Variants in ZNF141 observed in about 807,000 individuals in gnomAD.
ZNF141 encodes the protein zinc finger protein 141.
Under a neutral mutation model 11.3 loss-of-function variants are expected in ZNF141, and 7 were observed. The observed-to-expected ratio is 0.62, with a 90% confidence interval of 0.35 to 1.16. ZNF141 has a LOEUF of 1.16. Among genes scored for constraint, ZNF141 ranks in the 50% most tolerant of loss-of-function variants. The pLI is 0.02. For synonymous variants in ZNF141, 183 were observed against 190.7 expected, an observed-to-expected ratio of 0.96 and a Z score of 0.33; for missense variants, 535 against 554.0, an observed-to-expected ratio of 0.97 and a Z score of 0.34.
At chr4:369,498 G>A (rs1336314866) in intron 3 of ZNF141, among the ~76,000 whole-genome samples, 1 of 151,380 alleles carries the variant, frequency 6.6e-6, no homozygotes, top group Non-Finnish European at 1.5e-5. Flanking sequence ...CCCTTTATTT[G>A]GTGCATGTAT....
intron 1 of ZNF141, among the ~76,000 whole-genome samples, chr4:339,459 A>G (rs1720948141): frequency 6.6e-6 from 1 of 151,814 alleles, no homozygotes; most frequent in African/African-American, 2.4e-5. Flanking sequence ...TCCTGTGCAC[A>G]CAGTTTGCTC....
chr4:362,554 TATA>T (rs1553852365), intron 3 of ZNF141, among the ~76,000 whole-genome samples: 1 of 152,226 alleles, frequency 6.6e-6, no homozygotes, highest in African/African-American at 2.4e-5. Flanking sequence ...TTAATTTTTG[TATA>T]AGGCGTAAGG....
chr4:358,183 C>CTTTTTTTTT, intron 3 of ZNF141: 1 of 301,710 alleles, frequency 3.3e-6, no homozygotes, highest in Non-Finnish European at 6.2e-6. Flanking sequence ...GTTTCTCGTT[C>CTTTTTTTTT]TTTTTTTTTT....
Position 380,775 on chromosome 4 carries a change from T to C in ZNF141, c.*6913T>C, listed in dbSNP as rs782459047. Among the ~76,000 whole-genome samples the C allele has an allele frequency of 6.6e-6, 1 of 152,292 alleles. No individual in the cohort carries two copies. Among genetic ancestry groups the C allele is most frequent in the South Asian group, 2.1e-4 (1 of 4,824 alleles). ...GACTTGCTCACAACACAGGCAACTT[T>C]GACTCTAGAGATAACACTTATTACA... On this transcript the variant is annotated 3_prime_UTR_variant, in exon 4 of 4. Transcript: ENST00000240499.
intron 3 of ZNF141, among the ~76,000 whole-genome samples, chr4:368,822 ACT>A (rs1711879635): frequency 6.6e-6 from 1 of 151,852 alleles, no homozygotes; most frequent in African/African-American, 2.4e-5. Flanking sequence ...TGACATTGTT[ACT>A]CTTTTTGAAG....
chr4:344,486 G>T, intron 3 of ZNF141, 56 bp downstream of exon 3: 2 of 1,500,392 alleles, frequency 1.3e-6, no homozygotes, highest in Non-Finnish European at 9.1e-7. Flanking sequence ...AGGTCAAGAA[G>T]GAAGCCAGGC....
At position 382,508 on chromosome 4, in the gene ZNF141, T is replaced by A. The variant is rs1396786587; in HGVS notation, c.*8646T>A. ...AAAAAATGCAAAGAATTTGTAGGTATGATTAGTGCATTATAGGTGTTTTCA... is the reference window on the plus strand; with the variant it reads ...AAAAAATGCAAAGAATTTGTAGGTAAGATTAGTGCATTATAGGTGTTTTCA... On this transcript the variant is annotated 3_prime_UTR_variant, in exon 4 of 4. Coordinates refer to ENST00000240499, the MANE Select transcript of ZNF141 (RefSeq NM_003441.4). 1.3e-5 allele frequency: 2 copies of A among 152,188 alleles called. No individual in the cohort carries two copies. The highest frequency in any genetic ancestry group is 3.8e-4 in the East Asian group (2 of 5,206). 9.4% of individuals were successfully genotyped at this position (152,188 alleles called of 1,614,324 possible).
chr4:354,304 G>A (rs1553850940), intron 3 of ZNF141, among the ~76,000 whole-genome samples: 2 of 152,182 alleles, frequency 1.3e-5, no homozygotes, highest in African/African-American at 4.8e-5. Flanking sequence ...TGTGAACACA[G>A]CATGCCCAAG....
intron 3 of ZNF141, among the ~76,000 whole-genome samples, chr4:360,528 T>C (rs560311379): frequency 6.6e-6 from 1 of 152,386 alleles, no homozygotes; most frequent in South Asian, 2.1e-4. Flanking sequence ...TTCAATATTT[T>C]ATAGGTCAGA....
chr4:365,437 A>G (rs1437960847), intron 3 of ZNF141, among the ~76,000 whole-genome samples: 2 of 152,224 alleles, frequency 1.3e-5, no homozygotes, highest in African/African-American at 4.8e-5. Flanking sequence ...TGTGAGCTGC[A>G]AACCAGAGCC....
In ZNF141 at chr4:380,229, C is replaced by A. The variant is rs141863727; in HGVS notation, c.*6367C>A. Reference sequence around the variant, plus strand: ...CGTTTTTGGAAAAATACATTCATTTCTTGGTTGAAAAACTCACGTGATGAG... The same window carrying A: ...CGTTTTTGGAAAAATACATTCATTTATTGGTTGAAAAACTCACGTGATGAG... On this transcript the variant is annotated 3_prime_UTR_variant, in exon 4 of 4. Transcript: ENST00000240499. Among the ~76,000 whole-genome samples, 1 of 152,140 alleles carries A rather than the reference C, an allele frequency of 6.6e-6. No homozygotes were observed. The highest frequency in any genetic ancestry group is 1.5e-5 in the Non-Finnish European group (1 of 68,014).
intron 3 of ZNF141, among the ~76,000 whole-genome samples, chr4:346,066 A>G (rs1721306741): frequency 6.6e-6 from 1 of 152,230 alleles, no homozygotes; most frequent in African/African-American, 2.4e-5. Flanking sequence ...TCTCACACAC[A>G]CACCTATATA....
rs1712330430 is a variant in ZNF141, at chr4:375,686, G to C, written c.*1824G>C. On this transcript the variant is annotated 3_prime_UTR_variant, in exon 4 of 4. Coordinates refer to ENST00000240499, the MANE Select transcript of ZNF141 (RefSeq NM_003441.4). ...ACATTTAAAGTATATTTTTTCACTT[G>C]AAAAAAGTATAGATTTTTTGAAAAG... is the stretch of plus-strand genomic sequence containing the variant. Among the ~76,000 whole-genome samples the C allele has an allele frequency of 6.6e-6, 1 of 151,942 alleles. No individual in the cohort carries two copies. Among genetic ancestry groups the C allele is most frequent in the Admixed American group, 6.6e-5 (1 of 15,264 alleles).
chr4:366,130 C>T (rs1711730442), intron 3 of ZNF141, among the ~76,000 whole-genome samples: 1 of 152,076 alleles, frequency 6.6e-6, no homozygotes, highest in African/African-American at 2.4e-5. Flanking sequence ...TTGGTTGGTC[C>T]TGGTTAATTT....
At position 380,760 on chromosome 4, in the gene ZNF141, C is replaced by T. The variant is rs1553855450; in HGVS notation, c.*6898C>T. ...GCCATAGAGAAAAATGACTTGCTCA[C>T]AACACAGGCAACTTTGACTCTAGAG... On this transcript the variant is annotated 3_prime_UTR_variant, in exon 4 of 4. Transcript: ENST00000240499. Among the ~76,000 whole-genome samples the T allele has an allele frequency of 6.6e-6, 1 of 152,108 alleles. No individual in the cohort carries two copies. Among genetic ancestry groups the T allele is most frequent in the Non-Finnish European group, 1.5e-5 (1 of 68,018 alleles).
chr4:383,229 CT>C lies in ZNF141; in HGVS notation c.*9368del. ...CACCTAATTCACCAGCATCTAACCA[CT>C]CACACCTGAAGGAGCCAAACTGAGC... On this transcript the variant is annotated 3_prime_UTR_variant, in exon 4 of 4. Coordinates refer to ENST00000240499, the MANE Select transcript of ZNF141 (RefSeq NM_003441.4). 1 of 685,442 alleles carries C rather than the reference CT, an allele frequency of 1.5e-6. No homozygotes were observed. The highest frequency in any genetic ancestry group is 1.6e-5 in the South Asian group (1 of 64,370). The allele number at this position is 685,442 out of a possible 1,614,324, so 42.5% of individuals were successfully genotyped here. A position where few individuals can be genotyped will look rare whatever the true frequency, so the allele number is the denominator to read the frequency against.
intron 3 of ZNF141, among the ~76,000 whole-genome samples, chr4:349,693 G>A (rs1721499499): frequency 6.6e-6 from 1 of 152,118 alleles, no homozygotes; most frequent in Non-Finnish European, 1.5e-5. Flanking sequence ...GTTGTAGCTG[G>A]GTCACAAGGG....
At chr4:340,582 G>A (rs548214256) in intron 1 of ZNF141, among the ~76,000 whole-genome samples, 1 of 152,264 alleles carries the variant, frequency 6.6e-6, no homozygotes, top group African/African-American at 2.4e-5. Context: ...AGTCTTAAAT[G>A]TGCAGTTCCA....
rs1481259717 is a variant in ZNF141, at chr4:337,849, G to C, written c.-135G>C. 3 of 1,222,092 alleles carry C rather than the reference G, an allele frequency of 2.5e-6. No homozygotes were observed. The highest frequency in any genetic ancestry group is 3.6e-6 in the Non-Finnish European group (3 of 842,374). The allele number at this position is 1,222,092 out of a possible 1,614,324, so 75.7% of individuals were successfully genotyped here. On this transcript the variant is annotated 5_prime_UTR_variant, in exon 1 of 4. Transcript: ENST00000240499. ...CTGGCTACTACCAGACCGCGGGTTA[G>C]GGGCTTCATCTCTCTGCGTTCTCAG...
Sources: allele counts gnomAD v4.1 joint callset (sites outside exome capture counted in the v4.1 genomes callset), GRCh38; gene constraint gnomAD v4.1.1; transcripts MANE v1.5; gene names NCBI Gene and HGNC (gene_info 2026-07-23, HGNC 2026-07-21).